The following ADA variants were observed in gnomAD, a reference collection of about 807,000 sequenced individuals.
ADA encodes the protein adenosine deaminase.
Under a neutral mutation model 49.0 loss-of-function variants are expected in ADA, and 45 were observed. The ratio of observed to expected loss-of-function variants is 0.92; its 90% CI spans 0.72 to 1.18. ADA has a LOEUF of 1.18. Among genes scored for constraint, ADA ranks in the 50% most tolerant of loss-of-function variants. The probability of loss-of-function intolerance (pLI) is 0.00; values close to 1 mark genes in which losing one functional copy is unlikely to be tolerated. For synonymous variants in ADA, 173 were observed against 184.2 expected (o/e 0.94, Z 0.49); for missense variants, 445 against 472.5 (o/e 0.94, Z 0.54).
intron 1 of ADA, among the ~76,000 whole-genome samples, chr20:44,644,928 C>T (rs1180546523): frequency 1.3e-5 from 2 of 152,188 alleles, no homozygotes; most frequent in East Asian, 1.9e-4. Context: ...CACTTAAACT[C>T]GTTTTAAAGG....
chr20:44,630,014 T>A (rs1365581696), intron 2 of ADA, among the ~76,000 whole-genome samples: 2 of 151,608 alleles, frequency 1.3e-5, no homozygotes, highest in African/African-American at 4.8e-5. Context: ...CTTTTTTTTT[T>A]AAGATACAAC....
chr20:44,621,059 T>C lies in ADA; in HGVS notation c.934A>G (p.Lys312Glu). The C allele has an allele frequency of 6.2e-7, 1 of 1,614,202 alleles. No homozygotes were observed. Residue 312 changes from lysine to glutamate, a missense_variant, in exon 10 of 12, where the codon AAA becomes GAA. By Grantham distance (56) the Lys-to-Glu change is moderately conservative (BLOSUM62 1). Transcript: ENST00000372874. Reference sequence around the variant, plus strand: ...TCTTCAGTAAAGCCCATGTCCCGTTTGGTCATCTGGTAATCAGTGTCCAGG... The same window carrying C: ...TCTTCAGTAAAGCCCATGTCCCGTTCGGTCATCTGGTAATCAGTGTCCAGG... Reference protein sequence around the residue: ...STLDTDYQMTKRDMGFTEEEF... With the variant: ...STLDTDYQMTERDMGFTEEEF...
rs73300310 is a variant in ADA, at chr20:44,625,735, A to C, written c.363-51T>G. The C allele has an allele frequency of 1.0e-3, 1,504 of 1,447,942 alleles. 8 individuals carry two copies. The African/African-American group carries it at 0.019, about 18-fold the overall frequency. The allele number at this position is 1,447,942 out of a possible 1,614,324, so 89.7% of individuals were successfully genotyped here. On this transcript the variant is annotated intron_variant, in intron 4 of 11. Transcript: ENST00000372874. ...GGCCTGAGGCAAAAGGAAGGCCTAA[A>C]GGGCAGCTCTGGGACTGGGACAGAG...
intron 1 of ADA, among the ~76,000 whole-genome samples, chr20:44,638,339 G>A (rs918267824): frequency 1.3e-5 from 2 of 152,232 alleles, no homozygotes; most frequent in African/African-American, 2.4e-5. Context: ...ACTTTGGGAG[G>A]CCGAGGTGGG....
At chr20:44,648,970 A>G (rs1237977691) in intron 1 of ADA, among the ~76,000 whole-genome samples, 1 of 152,062 alleles carries the variant, frequency 6.6e-6, no homozygotes, top group Non-Finnish European at 1.5e-5. Flanking sequence ...TGAGAAGCTG[A>G]AGGACACAGC....
chr20:44,639,777 G>C (rs2065514939), intron 1 of ADA, among the ~76,000 whole-genome samples: 1 of 152,116 alleles, frequency 6.6e-6, no homozygotes, highest in Non-Finnish European at 1.5e-5. Context: ...CAAGAGTCTA[G>C]AGCTGGCCTG....
chr20:44,647,497 C>T (rs577099210), intron 1 of ADA, among the ~76,000 whole-genome samples: 1 of 152,184 alleles, frequency 6.6e-6, no homozygotes, highest in African/African-American at 2.4e-5. Context: ...TGCCAGTCTA[C>T]AGCTTCAAGG....
rs188389804 is a variant in ADA at position 44,648,474 on chromosome 20, C to T, written c.33+3101G>A. Among the ~76,000 whole-genome samples the T allele has an allele frequency of 5.9e-5, 9 of 152,120 alleles. No individual in the cohort carries two copies. In the East Asian group the frequency reaches 1.5e-3, roughly 26 times the overall value. On this transcript the variant is annotated intron_variant, in intron 1 of 11. Transcript: ENST00000372874. ...ACTGACCATACAGGGGTATAGGGAC[C>T]GAGGCCCTTTGTTTTGGGTTAAATG...
rs2065410397 is a variant in ADA at position 44,629,181 on chromosome 20, A to G, written c.96-12T>C. 2.5e-6 allele frequency: 4 copies of G among 1,614,184 alleles called. No homozygotes were observed. The highest frequency in any genetic ancestry group is 1.6e-4 in the Middle Eastern group (1 of 6,062). The stretch of plus-strand genomic sequence containing the variant: ...CGATCCCTCTCCTCCTGGAAACAAA[A>G]CAGTGAGTGGTGGACCAACCCGGGG... On this transcript the variant is annotated splice_polypyrimidine_tract_variant and intron_variant, in intron 2 of 11. Transcript: ENST00000372874.
intron 4 of ADA, 37 bp from the exon 5 acceptor site, chr20:44,625,721 A>C (rs984176073): frequency 6.6e-7 from 1 of 1,512,658 alleles, no homozygotes; most frequent in African/African-American, 1.4e-5. Context: ...GCCTGAGGCA[A>C]AAGGAAGGCC....
Position 44,622,597 on chromosome 20 carries a change from G to A in ADA, c.836C>T (p.Ala279Val), listed in dbSNP as rs2065342025. 1 of 1,614,266 alleles carries A rather than the reference G, an allele frequency of 6.2e-7. No homozygotes were observed. Residue 279 changes from alanine (A) to valine (V), a missense_variant, in exon 9 of 12, where the codon GCA (alanine) becomes GTA (valine). Transcript: ENST00000372874. ...GGGGAACAGAGCTCACCGAATGACTGCATGCTCCGTGTCCGGCTTCCAGGC... is the reference window on the plus strand; with the variant it reads ...GGGGAACAGAGCTCACCGAATGACTACATGCTCCGTGTCCGGCTTCCAGGC... ...TGAWKPDTEH[A>V]VIRLKNDQAN...
chr20:44,651,444 C>T, intron 1 of ADA, 131 bp downstream of exon 1: 1 of 948,996 alleles, frequency 1.1e-6, no homozygotes. Flanking sequence ...CGGCCTAAGC[C>T]GAAGGAAGAA....
intron 1 of ADA, among the ~76,000 whole-genome samples, chr20:44,643,761 C>T (rs564712447): frequency 2.6e-5 from 4 of 152,336 alleles, no homozygotes; most frequent in African/African-American, 9.6e-5. Flanking sequence ...GACTCACAGC[C>T]AGCCCAGCAT....
At chr20:44,650,273 G>A (rs1203544030) in intron 1 of ADA, among the ~76,000 whole-genome samples, 1 of 152,150 alleles carries the variant, frequency 6.6e-6, no homozygotes, top group Non-Finnish European at 1.5e-5. Flanking sequence ...TGGGCTGGGG[G>A]CATCAGTAGT....
chr20:44,646,181 A>G (rs2065590041), intron 1 of ADA, among the ~76,000 whole-genome samples: 1 of 152,102 alleles, frequency 6.6e-6, no homozygotes, highest in Admixed American at 6.6e-5. Context: ...CCTGAGGTTG[A>G]ATGCAGGATT....
At chr20:44,622,258 T>C (rs1365721897) in intron 9 of ADA, among the ~76,000 whole-genome samples, 1 of 152,204 alleles carries the variant, frequency 6.6e-6, no homozygotes, top group African/African-American at 2.4e-5. Context: ...GAGGGACTCC[T>C]GCTTCCTATG....
At position 44,636,110 on chromosome 20, in the gene ADA, G is replaced by A. The variant is rs146042949; in HGVS notation, c.95+117C>T. ...CCCACTTCTGGCCTGGAGCTGGCTT[G>A]ATTCCCACAGGGAGACAGGAAGGAA... is the stretch of plus-strand genomic sequence containing the variant. On this transcript the variant is annotated intron_variant, in intron 2 of 11. Coordinates refer to ENST00000372874, the MANE Select transcript of ADA (RefSeq NM_000022.4). 3.4e-4 allele frequency: 347 copies of A among 1,007,718 alleles called. 2 individuals are homozygous for A. In the African/African-American group the frequency reaches 5.0e-3, roughly 15 times the overall value. 62.4% of individuals were successfully genotyped at this position (1,007,718 alleles called of 1,614,324 possible). A position where few individuals can be genotyped will look rare whatever the true frequency, so the allele number is the denominator to read the frequency against.
chr20:44,620,341 G>A lies in ADA; in HGVS notation c.1036C>T (p.Leu346=). ...PEDEKRELLD[L]LYKAYGMPPS... ...GGCATCCCATAGGCTTTATAGAGCA[G>A]GTCGAGAAGCTCCCTCTTTTCATCT... The change falls in exon 11 of 12, where the codon CTG becomes TTG. Residue 346 remains leucine, a synonymous_variant. Transcript: ENST00000372874. 1 of 1,614,222 alleles carries A rather than the reference G, an allele frequency of 6.2e-7. No homozygotes were observed. Among genetic ancestry groups the A allele is most frequent in the Non-Finnish European group, 8.5e-7 (1 of 1,180,038 alleles).
chr20:44,638,100 C>T (rs1327400730), intron 1 of ADA, among the ~76,000 whole-genome samples: 2 of 152,164 alleles, frequency 1.3e-5, no homozygotes, highest in Non-Finnish European at 2.9e-5. Flanking sequence ...GAGCTGGAAT[C>T]TCGGCTCCTC....
Sources: gnomAD v4.1 joint callset for allele counts (sites outside exome capture counted in the v4.1 genomes callset) on GRCh38, gnomAD v4.1.1 for gene constraint, MANE v1.5 for transcripts, NCBI Gene and HGNC (gene_info 2026-07-23, HGNC 2026-07-21) for gene names.